ADGRB3: variants seen among roughly 807,000 people sequenced by gnomAD.
ADGRB3 encodes the protein adhesion G protein-coupled receptor B3, also known as brain-specific angiogenesis inhibitor 3.
ADGRB3 carries 37 observed loss-of-function variants against 193.4 expected under a neutral mutation model. The ratio of observed to expected loss-of-function variants is 0.19; its 90% CI spans 0.15 to 0.25. ADGRB3 has a LOEUF of 0.25. Among genes scored for constraint, ADGRB3 ranks in the 10% least tolerant of loss-of-function variants. The pLI is 1.00. For synonymous variants in ADGRB3, 690 were observed against 644.2 expected (o/e 1.07, Z -1.08); for missense variants, 1,637 against 1,852.9 (o/e 0.88, Z 2.14).
chr6:69,098,001 T>G (rs979078338), intron 17 of ADGRB3, among the ~76,000 whole-genome samples: 8 of 152,212 alleles, frequency 5.3e-5, no homozygotes, highest in African/African-American at 1.7e-4. Flanking sequence ...AGGTAAAAAA[T>G]AGGTTATTTT....
chr6:68,661,722 C>T (rs1487496594), intron 3 of ADGRB3, among the ~76,000 whole-genome samples: 1 of 150,196 alleles, frequency 6.7e-6, no homozygotes, highest in Non-Finnish European at 1.5e-5. Flanking sequence ...GGGGGAACTT[C>T]AGAAGGAATT....
chr6:69,298,511 T>C (rs1157238454), intron 20 of ADGRB3, among the ~76,000 whole-genome samples: 1 of 151,994 alleles, frequency 6.6e-6, no homozygotes, highest in East Asian at 1.9e-4. Flanking sequence ...TTTGGGCCAT[T>C]AAGCATCTCC....
chr6:69,153,145 GAT>G (rs1269013651), intron 17 of ADGRB3, among the ~76,000 whole-genome samples: 25 of 151,820 alleles, frequency 1.6e-4, no homozygotes, highest in Non-Finnish European at 3.7e-4. Context: ...AAAACAATTG[GAT>G]TTTTAATTTT....
Position 68,787,272 on chromosome 6 carries a change from A to G in ADGRB3, c.758-143287A>G, listed in dbSNP as rs913936437. On this transcript the variant is annotated intron_variant, in intron 3 of 31. Coordinates refer to ENST00000370598, the MANE Select transcript of ADGRB3 (RefSeq NM_001704.3). ...TGCTTCCAGTTTTTGCCCATTCAGT[A>G]TGATATTGGCTGTGGGTTTGTCATA... Among the ~76,000 whole-genome samples, 10 of 152,242 alleles carry G rather than the reference A, an allele frequency of 6.6e-5. No homozygotes were observed. The South Asian group carries it at 2.1e-3, about 32-fold the overall frequency.
intron 17 of ADGRB3, among the ~76,000 whole-genome samples, chr6:69,081,620 C>T (rs1772389052): frequency 6.6e-6 from 1 of 151,814 alleles, no homozygotes; most frequent in East Asian, 1.9e-4. Flanking sequence ...TGTGTGTTTT[C>T]TCATAAAGCC....
chr6:69,266,789 C>A (rs1767051330), intron 20 of ADGRB3, among the ~76,000 whole-genome samples: 1 of 151,966 alleles, frequency 6.6e-6, no homozygotes, highest in Non-Finnish European at 1.5e-5. Flanking sequence ...TGGGAATCTG[C>A]ATGCCATAGT....
Position 69,062,920 on chromosome 6 carries a change from T to C in ADGRB3, c.2334-14T>C. On this transcript the variant is annotated splice_polypyrimidine_tract_variant and intron_variant, in intron 15 of 31. Coordinates refer to ENST00000370598, the MANE Select transcript of ADGRB3 (RefSeq NM_001704.3). The stretch of plus-strand genomic sequence containing the variant: ...CACTCATTTCTCCTTTTAATTATAA[T>C]TACTCTGTTGCAGAAATTATACTGT... 6 of 1,570,254 alleles carry C rather than the reference T, an allele frequency of 3.8e-6. No individual in the cohort carries two copies. The highest frequency in any genetic ancestry group is 5.3e-6 in the Non-Finnish European group (6 of 1,141,250).
intron 3 of ADGRB3, among the ~76,000 whole-genome samples, chr6:68,924,245 A>T (rs2150243574): frequency 6.6e-6 from 1 of 152,168 alleles, no homozygotes; most frequent in South Asian, 2.1e-4. Context: ...GATTACACAC[A>T]TTGATGAATT....
At chr6:68,783,462 TACC>T (rs1303030547) in intron 3 of ADGRB3, among the ~76,000 whole-genome samples, 2 of 151,492 alleles carry the variant, frequency 1.3e-5, no homozygotes, top group Non-Finnish European at 2.9e-5. Context: ...GAGACAACAC[TACC>T]CTCAAGTTGA....
At chr6:69,318,584 A>G (rs1301704334) in intron 20 of ADGRB3, among the ~76,000 whole-genome samples, 1 of 151,366 alleles carries the variant, frequency 6.6e-6, no homozygotes, top group Non-Finnish European at 1.5e-5. Context: ...AATGAGTTGG[A>G]TACTTCTAAT....
At chr6:68,956,517 T>G in intron 7 of ADGRB3, 128 bp from the exon 8 acceptor site, 1 of 1,239,254 alleles carries the variant, frequency 8.1e-7, no homozygotes, top group Non-Finnish European at 1.1e-6. Flanking sequence ...AAGTTAAATA[T>G]TTGAATAAGG....
chr6:68,641,179 G>A (rs564970613), intron 3 of ADGRB3, among the ~76,000 whole-genome samples: 1 of 152,240 alleles, frequency 6.6e-6, no homozygotes, highest in Non-Finnish European at 1.5e-5. Flanking sequence ...TTTCTTCAAT[G>A]GTTAAATTGA....
chr6:69,169,626 G>A (rs1271341471), intron 17 of ADGRB3, among the ~76,000 whole-genome samples: 1 of 151,148 alleles, frequency 6.6e-6, no homozygotes, highest in Non-Finnish European at 1.5e-5. Context: ...AATACCATAG[G>A]TATTGAGAAT....
chr6:68,900,499 C>T (rs780083680), intron 3 of ADGRB3, among the ~76,000 whole-genome samples: 1 of 152,090 alleles, frequency 6.6e-6, no homozygotes, highest in African/African-American at 2.4e-5. Context: ...AGATATCTAG[C>T]TCATCAAAGA....
chr6:69,004,268 G>A (rs1245517697), intron 11 of ADGRB3, among the ~76,000 whole-genome samples: 4 of 152,108 alleles, frequency 2.6e-5, no homozygotes, highest in Non-Finnish European at 5.9e-5. Flanking sequence ...TCGAGGTCAC[G>A]ACAGGTTTGG....
chr6:69,302,365 C>G (rs1243187574), intron 20 of ADGRB3, among the ~76,000 whole-genome samples: 6 of 151,826 alleles, frequency 4.0e-5, no homozygotes, highest in African/African-American at 1.5e-4. Flanking sequence ...AAGAAGAAGG[C>G]CTAGAGAATG....
intron 17 of ADGRB3, among the ~76,000 whole-genome samples, chr6:69,125,633 A>G (rs921729718): frequency 2.0e-5 from 3 of 152,170 alleles, no homozygotes; most frequent in Non-Finnish European, 2.9e-5. Flanking sequence ...TCTGAGAAAT[A>G]AATTTATGTT....
At chr6:69,116,812 G>A (rs979591409) in intron 17 of ADGRB3, among the ~76,000 whole-genome samples, 2 of 152,192 alleles carry the variant, frequency 1.3e-5, no homozygotes, top group African/African-American at 2.4e-5. Flanking sequence ...CTTTGTGAAG[G>A]CACATTATGA....
In ADGRB3 at chr6:69,069,489, C is replaced by A. The variant is rs567994172; in HGVS notation, c.2436+6453C>A. Among the ~76,000 whole-genome samples, 3 of 129,438 alleles carry A rather than the reference C, an allele frequency of 2.3e-5. No individual in the cohort carries two copies. In the South Asian group the frequency reaches 7.3e-4, roughly 32 times the overall value. The allele number at this position is 129,438 out of a possible 152,430, so 84.9% of individuals were successfully genotyped here. ...TATGGGGAGGCTGAGGCGGGTGGAT[C>A]ATGAGGTCAGGAGTTCAAGACCAGC... On this transcript the variant is annotated intron_variant, in intron 16 of 31. Transcript: ENST00000370598.
Sources: allele counts gnomAD v4.1 joint callset (sites outside exome capture counted in the v4.1 genomes callset), GRCh38; gene constraint gnomAD v4.1.1; transcripts MANE v1.5; gene names NCBI Gene and HGNC (gene_info 2026-07-23, HGNC 2026-07-21).